ZP3: variants seen among roughly 807,000 people sequenced by gnomAD.
ZP3 encodes zona pellucida sperm-binding protein 3.
ZP3 carries 21 observed loss-of-function variants against 35.6 expected under a neutral mutation model. The observed-to-expected ratio is 0.59, with a 90% CI of 0.42 to 0.85. The LOEUF is 0.85. Ranked by LOEUF, ZP3 falls within the 40% of genes least tolerant of loss-of-function variation. The pLI is 0.00. For synonymous variants in ZP3, 207 were observed against 214.5 expected (o/e 0.96, Z 0.31); for missense variants, 437 against 536.5 (o/e 0.81, Z 1.83).
intron 1 of ZP3, among the ~76,000 whole-genome samples, chr7:76,419,602 T>C (rs574980295): frequency 6.6e-6 from 1 of 152,188 alleles, no homozygotes; most frequent in East Asian, 1.9e-4. Context: ...GTTCTTTTTC[T>C]TTCTCCCTTC....
chr7:76,433,124 T>TTTGGTTTTGGGTGGTTTTGG, intron 3 of ZP3, 94 bp downstream of exon 3: 1 of 670,558 alleles, frequency 1.5e-6, no homozygotes, highest in Admixed American at 3.0e-5. Context: ...TTTGTTTGGT[T>TTTGGTTTTGGGTGGTTTTGG]TTGGTTTTGG....
chr7:76,433,134 G>GTTTTGGTT (rs1805883470), intron 3 of ZP3, 104 bp downstream of exon 3: 1 of 474,416 alleles, frequency 2.1e-6, no homozygotes, highest in Non-Finnish European at 3.8e-6. Flanking sequence ...TTTGGTTTTG[G>GTTTTGGTT]TTGGTTTTGG....
rs1805899919 is a variant in ZP3 at position 76,433,519 on chromosome 7, A to C, written c.585A>C (p.Ala195=). ...CCCCCACCTTCCACCTGGGAGATGC[A>C]GCCCACCTCCAGGCAGAAATCCACA... ...KRSPTFHLGD[A]AHLQAEIHTG... The change falls in exon 4 of 8, where the codon GCA becomes GCC. Residue 195 remains alanine (A), a synonymous_variant. Transcript: ENST00000394857. The C allele has an allele frequency of 6.2e-7, 1 of 1,613,956 alleles. No homozygotes were observed. The highest frequency in any genetic ancestry group is 1.7e-5 in the Admixed American group (1 of 59,976).
At chr7:76,425,608 G>T (rs949959286) in intron 1 of ZP3, among the ~76,000 whole-genome samples, 79 of 152,188 alleles carry the variant, frequency 5.2e-4, no homozygotes, top group African/African-American at 1.7e-3. Flanking sequence ...CTAAGGGGCT[G>T]TTTCTAAGGC....
chr7:76,424,878 T>C, upstream of ZP3: 1 of 1,310,056 alleles, frequency 7.6e-7, no homozygotes, highest in Non-Finnish European at 1.0e-6. Flanking sequence ...GGGAGGCAGC[T>C]GAGAAGCTGA....
intron 1 of ZP3, among the ~76,000 whole-genome samples, chr7:76,408,263 T>A (rs1030322871): frequency 6.6e-6 from 1 of 152,080 alleles, no homozygotes; most frequent in East Asian, 1.9e-4. Context: ...CCTATCTGGA[T>A]GCAGACACAG....
chr7:76,433,130 TTTGG>T (rs142897675), intron 3 of ZP3, 100 bp downstream of exon 3: 7,843 of 606,220 alleles, frequency 0.013, 33 homozygotes, highest in Middle Eastern at 0.025. Context: ...TGGTTTTGGT[TTTGG>T]TTGGTTTTGG....
chr7:76,407,345 T>C (rs1429206775), intron 1 of ZP3, among the ~76,000 whole-genome samples: 2 of 151,654 alleles, frequency 1.3e-5, no homozygotes, highest in East Asian at 1.9e-4. Flanking sequence ...TCTCTTTTTT[T>C]TTTTGAGACA....
chr7:76,407,203 C>G (rs928111144), intron 1 of ZP3, among the ~76,000 whole-genome samples: 1 of 152,212 alleles, frequency 6.6e-6, no homozygotes, highest in Non-Finnish European at 1.5e-5. Context: ...TCAAGTGATA[C>G]ACCCGCCTCG....
At chr7:76,427,937 G>A (rs1387733684) in intron 1 of ZP3, among the ~76,000 whole-genome samples, 2 of 152,084 alleles carry the variant, frequency 1.3e-5, no homozygotes, top group Admixed American at 1.3e-4. Flanking sequence ...CCCTCCCAAA[G>A]TGCTGGGATT....
chr7:76,408,027 G>C (rs1805097126), intron 1 of ZP3, among the ~76,000 whole-genome samples: 1 of 152,160 alleles, frequency 6.6e-6, no homozygotes, highest in Non-Finnish European at 1.5e-5. Flanking sequence ...TTGGTGTTGG[G>C]GGTCAGGGAG....
At chr7:76,416,796 C>CTCTCTCTA (rs757846670) in intron 1 of ZP3, among the ~76,000 whole-genome samples, 2 of 108,970 alleles carry the variant, frequency 1.8e-5, no homozygotes, top group Admixed American at 9.9e-5. Flanking sequence ...AGGATGCTGT[C>CTCTCTCTA]TCTCTCTCTC....
intron 4 of ZP3, 101 bp downstream of exon 4, chr7:76,433,748 G>T: frequency 1.5e-6 from 2 of 1,307,212 alleles, no homozygotes; most frequent in South Asian, 2.8e-5. Flanking sequence ...ACCCAGGCTG[G>T]AATACAGAGG....
In ZP3 at chr7:76,433,623, AT is replaced by A; in HGVS notation, c.690del (p.His231ThrfsTer47). ...ACACCAGACCAGAATGCCTCCCCTTATCACACCATCGTGGACTTCCATGGGT... is the reference window on the plus strand; with the variant it reads ...ACACCAGACCAGAATGCCTCCCCTTACACACCATCGTGGACTTCCATGGGT... ...TPTPDQNASP[Y>X]HTIVDFHGCL... On this transcript the variant is annotated frameshift_variant, in exon 4 of 8. Transcript: ENST00000394857. LOFTEE classifies it high-confidence loss of function. 4 of 1,611,626 alleles carry A rather than the reference AT, an allele frequency of 2.5e-6. No homozygotes were observed. Among genetic ancestry groups the A allele is most frequent in the Non-Finnish European group, 3.4e-6 (4 of 1,178,434 alleles).
chr7:76,440,852 G>A (rs1806177252), intron 7 of ZP3, among the ~76,000 whole-genome samples: 1 of 152,018 alleles, frequency 6.6e-6, no homozygotes, highest in African/African-American at 2.4e-5. Context: ...GACATAATTA[G>A]GCATGTAGGG....
intron 1 of ZP3, among the ~76,000 whole-genome samples, chr7:76,418,343 G>T (rs1006357442): frequency 5.3e-5 from 8 of 151,908 alleles, no homozygotes; most frequent in Admixed American, 1.3e-4. Context: ...TTGAGGTCAG[G>T]AGATCGAGAC....
At chr7:76,433,213 G>A (rs1430588366) in intron 3 of ZP3, among the ~76,000 whole-genome samples, 183 bp downstream of exon 3, 1 of 124,148 alleles carries the variant, frequency 8.1e-6, no homozygotes, top group Non-Finnish European at 1.6e-5. Flanking sequence ...GAGTGCAGTG[G>A]CACGATCTCA....
chr7:76,441,230 G>A (rs1430847428), intron 7 of ZP3, among the ~76,000 whole-genome samples: 2 of 151,386 alleles, frequency 1.3e-5, no homozygotes, highest in Admixed American at 6.6e-5. Context: ...CTAGCACTTG[G>A]GGAGGCTGAG....
rs1449986903 is a variant in ZP3 at position 76,407,002 on chromosome 7, C to G, written c.-67+9205C>G. On this transcript the variant is annotated intron_variant, in intron 1 of 8. Transcript: ENST00000336517. Reference sequence around the variant, plus strand: ...TGGAGACAGAGCCTCCCTCTGTCACCCAGGCTGTAGTGCAGTGGCCTGATC... The same window carrying G: ...TGGAGACAGAGCCTCCCTCTGTCACGCAGGCTGTAGTGCAGTGGCCTGATC... 3.3e-5 allele frequency among the ~76,000 whole-genome samples: 5 copies of G among 152,082 alleles called. No homozygotes were observed. In the East Asian group the frequency reaches 9.6e-4, roughly 29 times the overall value.
Sources: allele counts gnomAD v4.1 joint callset (sites outside exome capture counted in the v4.1 genomes callset), GRCh38; gene constraint gnomAD v4.1.1; transcripts MANE v1.5; gene names NCBI Gene and HGNC (gene_info 2026-07-23, HGNC 2026-07-21).